Variants in SOX5 observed in about 807,000 individuals in gnomAD.
The protein encoded by SOX5 is SRY-box transcription factor 5.
In SOX5, 9 loss-of-function variants were observed where a neutral mutation model predicts 92.0. The observed-to-expected ratio is 0.10, with a 90% CI of 0.06 to 0.17. SOX5 has a LOEUF of 0.17. Ranked by LOEUF, SOX5 falls within the 10% of genes least tolerant of loss-of-function variation. The pLI is 1.00. For missense variants in SOX5, 642 were observed against 944.5 expected (o/e 0.68, Z 4.20); for synonymous variants, 344 against 336.3 (o/e 1.02, Z -0.25).
At chr12:24,259,992 A>G (rs912655798) in intron 3 of SOX5, among the ~76,000 whole-genome samples, 3 of 152,204 alleles carry the variant, frequency 2.0e-5, no homozygotes, top group Admixed American at 2.0e-4. Flanking sequence ...AAGAGTAAAG[A>G]AAAAAACCCA....
chr12:23,656,666 C>G (rs192966117), intron 7 of SOX5, among the ~76,000 whole-genome samples: 1 of 151,902 alleles, frequency 6.6e-6, no homozygotes, highest in Admixed American at 6.6e-5. Context: ...ATATGATATA[C>G]AGTACATATC....
At chr12:24,401,990 C>T (rs1265233348) in intron 1 of SOX5, among the ~76,000 whole-genome samples, 2 of 152,042 alleles carry the variant, frequency 1.3e-5, no homozygotes, top group East Asian at 1.9e-4. Flanking sequence ...CCTAATGCTC[C>T]CTAAATCACT....
rs1398105272 is a variant in SOX5, at chr12:23,937,315, T to C, written c.38+12249A>G. On this transcript the variant is annotated intron_variant, in intron 1 of 14. Transcript: ENST00000451604. ...GCATCTAATATATGATATTTACCAATACTCTTCTATTGAGCATTTCAGGAT... is the reference window on the plus strand; with the variant it reads ...GCATCTAATATATGATATTTACCAACACTCTTCTATTGAGCATTTCAGGAT... 2.6e-5 allele frequency among the ~76,000 whole-genome samples: 4 copies of C among 150,972 alleles called. No homozygotes were observed. In the South Asian group the frequency reaches 6.2e-4, roughly 23 times the overall value.
intron 1 of SOX5, among the ~76,000 whole-genome samples, chr12:23,910,638 T>TATCA (rs1184892331): frequency 6.6e-6 from 1 of 152,126 alleles, no homozygotes; most frequent in Non-Finnish European, 1.5e-5. Context: ...ATCTGTTAAG[T>TATCA]TAGTTCTATT....
chr12:24,069,058 T>A (rs1036800586), intron 4 of SOX5, among the ~76,000 whole-genome samples: 1 of 151,946 alleles, frequency 6.6e-6, no homozygotes, highest in East Asian at 1.9e-4. Context: ...GTTGCTTGCA[T>A]AATCAGAAAA....
At chr12:24,496,412 C>T (rs1947642227) in intron 1 of SOX5, among the ~76,000 whole-genome samples, 1 of 152,182 alleles carries the variant, frequency 6.6e-6, no homozygotes, top group African/African-American at 2.4e-5. Context: ...AATTAAAACA[C>T]TTCCCCCAAA....
At chr12:24,300,141 C>T (rs1216523713) in intron 2 of SOX5, among the ~76,000 whole-genome samples, 1 of 152,174 alleles carries the variant, frequency 6.6e-6, no homozygotes, top group Non-Finnish European at 1.5e-5. Flanking sequence ...TCAAAAGCCA[C>T]AATGCTACGT....
At chr12:23,916,704 T>A (rs1334531814) in intron 1 of SOX5, among the ~76,000 whole-genome samples, 1 of 152,212 alleles carries the variant, frequency 6.6e-6, no homozygotes, top group Non-Finnish European at 1.5e-5. Context: ...TAATAAATAA[T>A]CAATGTAGCC....
Position 24,106,483 on chromosome 12 carries a change from G to A in SOX5, c.-2+106860C>T, listed in dbSNP as rs1409031815. Among the ~76,000 whole-genome samples, 9 of 152,134 alleles carry A rather than the reference G, an allele frequency of 5.9e-5. No individual in the cohort carries two copies. The East Asian group carries it at 1.5e-3, about 26-fold the overall frequency. The stretch of plus-strand genomic sequence containing the variant: ...TTCTAAGGATTATAAAAACAAAAAC[G>A]TCAAATGGTTAAAAATAATAAGAGA... On this transcript the variant is annotated intron_variant, in intron 4 of 4. Coordinates refer to the SOX5 transcript ENST00000446891.
intron 6 of SOX5, among the ~76,000 whole-genome samples, chr12:23,683,196 A>G (rs987598697): frequency 1.3e-5 from 2 of 151,924 alleles, no homozygotes; most frequent in Non-Finnish European, 2.9e-5. Context: ...AGTGTTAAAC[A>G]TATTTCTAAA....
rs1186239660 is a variant in SOX5, at chr12:24,321,489, TATA to T, written c.-173-44180_-173-44178del. 4.2e-4 allele frequency among the ~76,000 whole-genome samples: 64 copies of T among 152,332 alleles called. 1 individual carries two copies. Among genetic ancestry groups the T allele is most frequent in the African/African-American group, 1.4e-3 (60 of 41,584 alleles). On this transcript the variant is annotated intron_variant, in intron 2 of 4. Coordinates refer to the SOX5 transcript ENST00000446891. ...CATGTAAGTGTTTAAATGCTTACTATATAAAAGTCAAAGAAAATACACAGTAAA... is the reference window on the plus strand; with the variant it reads ...CATGTAAGTGTTTAAATGCTTACTATAAAGTCAAAGAAAATACACAGTAAA...
At chr12:24,499,317 A>G (rs998865285) in intron 1 of SOX5, among the ~76,000 whole-genome samples, 3 of 152,204 alleles carry the variant, frequency 2.0e-5, no homozygotes, top group Non-Finnish European at 4.4e-5. Flanking sequence ...ATAGGGCTGT[A>G]GGGCTTAAGA....
At chr12:24,143,439 A>C (rs188778988) in intron 4 of SOX5, among the ~76,000 whole-genome samples, 4 of 152,314 alleles carry the variant, frequency 2.6e-5, no homozygotes, top group African/African-American at 9.6e-5. Context: ...CTGTCTAACC[A>C]TATTCTACAT....
At chr12:24,224,590 C>G (rs909311066) in intron 3 of SOX5, among the ~76,000 whole-genome samples, 1 of 151,918 alleles carries the variant, frequency 6.6e-6, no homozygotes, top group Non-Finnish European at 1.5e-5. Flanking sequence ...CTATGTGTGT[C>G]TCTCTGTGCC....
At chr12:24,012,220 C>T (rs1367178250) in intron 4 of SOX5, among the ~76,000 whole-genome samples, 1 of 152,102 alleles carries the variant, frequency 6.6e-6, no homozygotes, top group Non-Finnish European at 1.5e-5. Flanking sequence ...CTTTAAGCAA[C>T]TTCTTTCCAT....
At chr12:24,491,143 G>C (rs1001491677) in intron 1 of SOX5, among the ~76,000 whole-genome samples, 1 of 152,104 alleles carries the variant, frequency 6.6e-6, no homozygotes, top group African/African-American at 2.4e-5. Context: ...GCTTGTGTGT[G>C]CTTGGAGTGA....
chr12:24,229,510 C>A (rs1962906264), intron 3 of SOX5, among the ~76,000 whole-genome samples: 1 of 152,178 alleles, frequency 6.6e-6, no homozygotes, highest in Admixed American at 6.5e-5. Flanking sequence ...TCTTGGCACT[C>A]ATATGCTAAC....
intron 2 of SOX5, among the ~76,000 whole-genome samples, chr12:23,882,389 G>A (rs915409900): frequency 2.0e-5 from 3 of 151,048 alleles, no homozygotes; most frequent in Admixed American, 6.6e-5. Flanking sequence ...AAAAAACCAC[G>A]GTAATAAACA....
At chr12:23,956,890 C>G (rs548324781) in intron 4 of SOX5, among the ~76,000 whole-genome samples, 3 of 152,264 alleles carry the variant, frequency 2.0e-5, no homozygotes, top group East Asian at 3.9e-4. Context: ...TCTCGAACTC[C>G]TGACCTCAGG....
Sources: gnomAD v4.1 joint callset for allele counts (sites outside exome capture counted in the v4.1 genomes callset) on GRCh38, gnomAD v4.1.1 for gene constraint, MANE v1.5 for transcripts, NCBI Gene and HGNC (gene_info 2026-07-23, HGNC 2026-07-21) for gene names.